Variants in WWOX observed in about 807,000 individuals in gnomAD.
WWOX encodes the protein WW domain-containing oxidoreductase.
A neutral mutation model predicts 46.2 loss-of-function variants in WWOX; 69 were observed. That is an observed-to-expected ratio of 1.49 (90% confidence interval 1.23 to 1.82). WWOX has a LOEUF of 1.82. WWOX is among the 40% of genes most tolerant of loss of function. The pLI is 0.00. For missense variants in WWOX, 919 were observed against 542.6 expected (o/e 1.69, Z -6.89); for synonymous variants, 359 against 202.6 (o/e 1.77, Z -6.56).
chr16:79,123,318 C>T (rs1012532254), intron 8 of WWOX, among the ~76,000 whole-genome samples: 1 of 152,098 alleles, frequency 6.6e-6, no homozygotes, highest in Non-Finnish European at 1.5e-5. Flanking sequence ...CCAACGTAGG[C>T]GTGATCAGGC....
At chr16:78,270,840 A>G (rs1463199416) in intron 5 of WWOX, among the ~76,000 whole-genome samples, 1 of 152,130 alleles carries the variant, frequency 6.6e-6, no homozygotes, top group Admixed American at 6.5e-5. Context: ...TGAACAAAAA[A>G]TCCAAAGAAG....
chr16:78,985,958 A>G (rs1467198984), intron 8 of WWOX, among the ~76,000 whole-genome samples: 4 of 152,226 alleles, frequency 2.6e-5, no homozygotes, highest in Non-Finnish European at 4.4e-5. Context: ...TGCTGTGTCA[A>G]AAGTTCATGG....
intron 8 of WWOX, among the ~76,000 whole-genome samples, chr16:78,578,284 A>ATATATATATATATATTTTTTT (rs1555567122): frequency 4.8e-5 from 1 of 20,838 alleles, no homozygotes; most frequent in African/African-American, 2.3e-4. Flanking sequence ...ATATATATAT[A>ATATATATATATATATTTTTTT]TTTTTTTTTT....
chr16:78,483,734 C>T (rs544614890), intron 8 of WWOX, among the ~76,000 whole-genome samples: 9 of 152,120 alleles, frequency 5.9e-5, no homozygotes, highest in Non-Finnish European at 1.2e-4. Flanking sequence ...TCAAATGCAG[C>T]ATCGCTTGAA....
chr16:78,229,094 T>C (rs1258366854), intron 5 of WWOX, among the ~76,000 whole-genome samples: 1 of 152,196 alleles, frequency 6.6e-6, no homozygotes, highest in Non-Finnish European at 1.5e-5. Context: ...ACCCTCTCTG[T>C]AGCTTCTTCC....
At chr16:78,178,884 C>T (rs1055573848) in intron 5 of WWOX, among the ~76,000 whole-genome samples, 1 of 149,678 alleles carries the variant, frequency 6.7e-6, no homozygotes, top group African/African-American at 2.5e-5. Flanking sequence ...AAAAAGTAAT[C>T]ATTTTAGAAT....
intron 5 of WWOX, among the ~76,000 whole-genome samples, chr16:78,334,996 G>T (rs67787349): frequency 1.3e-5 from 2 of 151,760 alleles, no homozygotes; most frequent in East Asian, 3.9e-4. Context: ...GAGACCAGAG[G>T]TTCCCCAAGT....
chr16:78,298,551 G>A (rs1487390762), intron 5 of WWOX, among the ~76,000 whole-genome samples: 1 of 152,124 alleles, frequency 6.6e-6, no homozygotes, highest in African/African-American at 2.4e-5. Context: ...CCGCAGTTTG[G>A]GAGGCCGAGG....
intron 8 of WWOX, among the ~76,000 whole-genome samples, chr16:79,169,374 C>T (rs1023594349): frequency 6.6e-6 from 1 of 152,182 alleles, no homozygotes; most frequent in Admixed American, 6.5e-5. Context: ...GCGTGGCTGC[C>T]TGTCACGTCT....
intron 8 of WWOX, among the ~76,000 whole-genome samples, chr16:78,911,992 T>C (rs1158915771): frequency 6.6e-6 from 1 of 152,070 alleles, no homozygotes; most frequent in Non-Finnish European, 1.5e-5. Context: ...CTGTGAACCT[T>C]ACCCAGAAAA....
chr16:79,195,576 G>C (rs1390980493), intron 8 of WWOX, among the ~76,000 whole-genome samples: 1 of 152,192 alleles, frequency 6.6e-6, no homozygotes, highest in Non-Finnish European at 1.5e-5. Flanking sequence ...TCTTGGGCTT[G>C]CTCTGAAGCC....
chr16:78,669,481 G>C (rs1204293639), intron 8 of WWOX, among the ~76,000 whole-genome samples: 2 of 152,170 alleles, frequency 1.3e-5, no homozygotes, highest in East Asian at 1.9e-4. Context: ...GTCATCTAAT[G>C]GGTCAAGGCC....
At position 78,794,208 on chromosome 16, in the gene WWOX, G is replaced by C. The variant is rs530238371; in HGVS notation, c.1056+361456G>C. Among the ~76,000 whole-genome samples, 11 of 152,254 alleles carry C rather than the reference G, an allele frequency of 7.2e-5. No homozygotes were observed. The South Asian group carries it at 2.3e-3, about 32-fold the overall frequency. On this transcript the variant is annotated intron_variant, in intron 8 of 8. Transcript: ENST00000566780. ...CCACCATGTGAGAAAACAGCAAGAA[G>C]AATATCCATGAATCTATGAGGAGGC...
At chr16:78,862,940 A>G (rs1299685562) in intron 8 of WWOX, among the ~76,000 whole-genome samples, 1 of 151,072 alleles carries the variant, frequency 6.6e-6, no homozygotes, top group Non-Finnish European at 1.5e-5. Context: ...ACAATTAGAC[A>G]TCATGGTGGT....
rs117956707 is a variant in WWOX, at chr16:78,382,239, C to G, written c.517-4621C>G. 1.0e-3 allele frequency among the ~76,000 whole-genome samples: 159 copies of G among 152,292 alleles called. 2 individuals carry two copies. In the East Asian group the frequency reaches 0.03, roughly 29 times the overall value. ...CATAGCACGTTGCACCTTCTAGAAG[C>G]TAGGCACAGCCACATGACTTTGTCA... On this transcript the variant is annotated intron_variant, in intron 5 of 8. Transcript: ENST00000566780.
chr16:78,910,807 A>C (rs977848788), intron 8 of WWOX, among the ~76,000 whole-genome samples: 1 of 151,810 alleles, frequency 6.6e-6, no homozygotes, highest in Non-Finnish European at 1.5e-5. Flanking sequence ...TGATTCAGTT[A>C]CCTCTCACCG....
rs539188409 is a variant in WWOX, at chr16:79,125,826, A to G, written c.1057-85782A>G. Among the ~76,000 whole-genome samples the G allele has an allele frequency of 8.5e-5, 13 of 152,318 alleles. No homozygotes were observed. The South Asian group carries it at 2.3e-3, about 27-fold the overall frequency. ...ATTATGGTGTTGCTTTGAGCAAACA[A>G]TTAGCATTTTTGCCATAGCTTTTTA... On this transcript the variant is annotated intron_variant, in intron 8 of 8. Transcript: ENST00000566780.
chr16:78,429,177 G>C (rs2083158203), intron 7 of WWOX, among the ~76,000 whole-genome samples: 1 of 152,160 alleles, frequency 6.6e-6, no homozygotes, highest in African/African-American at 2.4e-5. Flanking sequence ...TTGGAATCAG[G>C]TGATCAATTG....
rs139695954 is a variant in WWOX, at chr16:78,529,751, G to T, written c.1056+96999G>T. Reference sequence around the variant, plus strand: ...CAAAGTGCTGGGATTATAGGTGTGAGCCACCATGCCCAGCCCTCAGAGTGT... The same window carrying T: ...CAAAGTGCTGGGATTATAGGTGTGATCCACCATGCCCAGCCCTCAGAGTGT... On this transcript the variant is annotated intron_variant, in intron 8 of 8. Coordinates refer to ENST00000566780, the MANE Select transcript of WWOX (RefSeq NM_016373.4). 2.0e-5 allele frequency among the ~76,000 whole-genome samples: 3 copies of T among 152,208 alleles called. No individual in the cohort carries two copies. The East Asian group carries it at 5.8e-4, about 30-fold the overall frequency.
Sources: allele counts gnomAD v4.1 joint callset (sites outside exome capture counted in the v4.1 genomes callset), GRCh38; gene constraint gnomAD v4.1.1; transcripts MANE v1.5; gene names NCBI Gene and HGNC (gene_info 2026-07-23, HGNC 2026-07-21).